CDH12: variants seen among roughly 807,000 people sequenced by gnomAD.
CDH12 encodes cadherin 12, also known as cadherin-12.
CDH12 carries 41 observed loss-of-function variants against 74.1 expected under a neutral mutation model. That is an observed-to-expected ratio of 0.55 (90% confidence interval 0.43 to 0.72). The LOEUF is 0.72. Ranked by LOEUF, CDH12 falls within the 30% of genes least tolerant of loss-of-function variation. The pLI is 0.00. For synonymous variants in CDH12, 399 were observed against 355.0 expected, an observed-to-expected ratio of 1.12 and a Z score of -1.39; for missense variants, 945 against 977.2, an observed-to-expected ratio of 0.97 and a Z score of 0.44.
At chr5:22,430,260 G>A (rs576334701) in intron 2 of CDH12, among the ~76,000 whole-genome samples, 15 of 152,074 alleles carry the variant, frequency 9.9e-5, no homozygotes, top group African/African-American at 3.1e-4. Context: ...GAGATAATGG[G>A]GATCATGTGA....
intron 5 of CDH12, among the ~76,000 whole-genome samples, chr5:21,986,438 A>AAT (rs2150131531): frequency 6.6e-6 from 1 of 152,308 alleles, no homozygotes; most frequent in East Asian, 1.9e-4. Flanking sequence ...AAAGTGTCAC[A>AAT]ATATGTGAAT....
chr5:22,339,140 G>GT (rs1346821719), intron 3 of CDH12, among the ~76,000 whole-genome samples: 4 of 152,106 alleles, frequency 2.6e-5, no homozygotes, highest in African/African-American at 4.8e-5. Context: ...ACAAATGTTT[G>GT]TTTTTTTAAG....
At chr5:21,856,216 A>G (rs893706468) in intron 6 of CDH12, among the ~76,000 whole-genome samples, 1 of 151,670 alleles carries the variant, frequency 6.6e-6, no homozygotes, top group African/African-American at 2.4e-5. Flanking sequence ...TGTATTAAAG[A>G]TTCATTAAAA....
intron 7 of CDH12, among the ~76,000 whole-genome samples, chr5:21,843,342 A>G (rs1418098028): frequency 6.6e-6 from 1 of 152,144 alleles, no homozygotes; most frequent in East Asian, 1.9e-4. Flanking sequence ...TAGAATCCAA[A>G]TCATAAACCC....
At chr5:22,218,718 C>T (rs74774550) in intron 3 of CDH12, among the ~76,000 whole-genome samples, 3,855 of 151,728 alleles carry the variant, frequency 0.025, 70 homozygotes, top group African/African-American at 0.052. Context: ...GTGCAGTTTA[C>T]TGTATATAAA....
intron 5 of CDH12, among the ~76,000 whole-genome samples, chr5:21,993,037 C>T (rs141684291): frequency 0.018 from 2,756 of 152,170 alleles, 44 homozygotes; most frequent in African/African-American, 0.041. Flanking sequence ...TGAGAACTCA[C>T]TCACTATCAG....
At chr5:22,774,651 C>A (rs1746992699) in intron 1 of CDH12, among the ~76,000 whole-genome samples, 1 of 152,152 alleles carries the variant, frequency 6.6e-6, no homozygotes. Context: ...CAAGACATGA[C>A]TTGTTTCTCC....
intron 5 of CDH12, among the ~76,000 whole-genome samples, chr5:22,065,646 A>C (rs1741505815): frequency 6.6e-6 from 1 of 152,164 alleles, no homozygotes; most frequent in African/African-American, 2.4e-5. Flanking sequence ...TCACCACCAC[A>C]GACAGAAATC....
chr5:22,321,454 T>C (rs1738877519), intron 3 of CDH12, among the ~76,000 whole-genome samples: 1 of 125,626 alleles, frequency 8.0e-6, no homozygotes, highest in African/African-American at 3.1e-5. Flanking sequence ...TGAGATCACA[T>C]GGACACAGGA....
At chr5:22,850,727 T>A (rs1409390940) in intron 1 of CDH12, among the ~76,000 whole-genome samples, 1 of 152,130 alleles carries the variant, frequency 6.6e-6, no homozygotes, top group East Asian at 1.9e-4. Context: ...ACTCTTTCCC[T>A]TTGGAAGTAG....
intron 6 of CDH12, among the ~76,000 whole-genome samples, chr5:21,956,687 A>G (rs1212009797): frequency 6.6e-6 from 1 of 152,074 alleles, no homozygotes; most frequent in Non-Finnish European, 1.5e-5. Flanking sequence ...CTTAGTGTTT[A>G]TATCATTTCA....
At chr5:22,153,903 T>TACATATATATATATAC (rs1747814284) in intron 4 of CDH12, among the ~76,000 whole-genome samples, 1 of 111,146 alleles carries the variant, frequency 9.0e-6, no homozygotes, top group African/African-American at 3.5e-5. Context: ...TATATATATA[T>TACATATATATATATAC]ACACACACAT....
intron 1 of CDH12, among the ~76,000 whole-genome samples, chr5:22,637,143 A>G (rs1738882015): frequency 6.6e-6 from 1 of 152,266 alleles, no homozygotes. Flanking sequence ...TAAATCCTTT[A>G]ATGTATTATA....
At chr5:22,289,934 C>T (rs924934944) in intron 3 of CDH12, among the ~76,000 whole-genome samples, 11 of 152,028 alleles carry the variant, frequency 7.2e-5, no homozygotes, top group African/African-American at 2.7e-4. Context: ...AATCATAAGC[C>T]CACATCAGTG....
At chr5:22,760,678 C>CAAAAAAAAAAAA (rs11284255) in intron 1 of CDH12, among the ~76,000 whole-genome samples, 7 of 63,426 alleles carry the variant, frequency 1.1e-4, no homozygotes, top group Non-Finnish European at 1.9e-4. Context: ...GACTCCGTCT[C>CAAAAAAAAAAAA]AAAAAAAAAA....
chr5:21,803,311 A>G (rs2149925297), intron 9 of CDH12, among the ~76,000 whole-genome samples: 1 of 152,244 alleles, frequency 6.6e-6, no homozygotes, highest in African/African-American at 2.4e-5. Context: ...TTAAAAGCAT[A>G]CATAGTACTA....
chr5:22,138,878 A>T (rs1209341911), intron 4 of CDH12, among the ~76,000 whole-genome samples: 1 of 140,104 alleles, frequency 7.1e-6, no homozygotes, highest in Non-Finnish European at 1.6e-5. Flanking sequence ...ATATATATAC[A>T]TGTTGGACTC....
chr5:22,321,340 T>TACAAA (rs1166116330), intron 3 of CDH12, among the ~76,000 whole-genome samples: 4 of 148,372 alleles, frequency 2.7e-5, no homozygotes, highest in African/African-American at 1.0e-4. Flanking sequence ...TCACGTCCTT[T>TACAAA]GTAGGGACAT....
chr5:22,111,535 T>C (rs1744817379), intron 4 of CDH12, among the ~76,000 whole-genome samples: 3 of 152,202 alleles, frequency 2.0e-5, no homozygotes, highest in South Asian at 4.1e-4. Flanking sequence ...TTCATTTACA[T>C]AATCATATTC....
Sources: allele counts gnomAD v4.1 joint callset (sites outside exome capture counted in the v4.1 genomes callset), GRCh38; gene constraint gnomAD v4.1.1; transcripts MANE v1.5; gene names NCBI Gene and HGNC (gene_info 2026-07-23, HGNC 2026-07-21).